CPVL: variants seen among roughly 807,000 people sequenced by gnomAD.
The protein encoded by CPVL is carboxypeptidase vitellogenic like.
Under a neutral mutation model 63.7 loss-of-function variants are expected in CPVL, and 51 were observed. That is an observed-to-expected ratio of 0.80 (90% CI 0.64 to 1.01). The LOEUF is 1.01. Ranked by LOEUF, CPVL falls within the 50% of genes least tolerant of loss-of-function variation. The pLI, the probability that CPVL is intolerant of heterozygous loss-of-function variation, is 0.00. For missense variants in CPVL, 530 were observed against 573.1 expected, an observed-to-expected ratio of 0.92 and a Z score of 0.77; for synonymous variants, 195 against 206.0, an observed-to-expected ratio of 0.95 and a Z score of 0.46.
intron 12 of CPVL, chr7:29,001,269 G>A (rs545132634): frequency 1.3e-5 from 2 of 152,310 alleles, no homozygotes; most frequent in East Asian, 3.9e-4. Context: ...AGAGCCACAT[G>A]GGAGCTGCAA....
At chr7:29,073,406 C>A (rs1783941926) in intron 7 of CPVL, among the ~76,000 whole-genome samples, 1 of 152,174 alleles carries the variant, frequency 6.6e-6, no homozygotes, top group African/African-American at 2.4e-5. Context: ...TCCTCATTGG[C>A]CTCCTTCTTT....
intron 5 of CPVL, among the ~76,000 whole-genome samples, chr7:29,168,813 C>T (rs1445623032): frequency 1.3e-5 from 2 of 152,176 alleles, no homozygotes; most frequent in Non-Finnish European, 2.9e-5. Flanking sequence ...GTTGTTTAGA[C>T]ATGTACTACT....
chr7:29,005,208 AAG>A (rs1197784791), intron 12 of CPVL, among the ~76,000 whole-genome samples: 1 of 152,062 alleles, frequency 6.6e-6, no homozygotes, highest in African/African-American at 2.4e-5. Context: ...AATATGTCTT[AAG>A]TTTGTACCAT....
intron 6 of CPVL, among the ~76,000 whole-genome samples, chr7:29,086,956 T>C (rs1785261589): frequency 6.6e-6 from 1 of 152,056 alleles, no homozygotes; most frequent in African/African-American, 2.4e-5. Flanking sequence ...ACCCCCACTG[T>C]GGGGGACTCT....
At chr7:29,070,501 G>A (rs1783631929) in intron 9 of CPVL, among the ~76,000 whole-genome samples, 1 of 152,152 alleles carries the variant, frequency 6.6e-6, no homozygotes, top group South Asian at 2.1e-4. Flanking sequence ...TCCCCTCTGT[G>A]ACTACCACAG....
At chr7:29,152,419 A>G (rs1389903485) in intron 5 of CPVL, among the ~76,000 whole-genome samples, 1 of 152,194 alleles carries the variant, frequency 6.6e-6, no homozygotes, top group South Asian at 2.1e-4. Flanking sequence ...CTCTATTCTC[A>G]GTTCCTGGCT....
chr7:29,146,124 C>T (rs1396984945), intron 1 of CPVL: 1 of 156,134 alleles, frequency 6.4e-6, no homozygotes, highest in East Asian at 1.9e-4. Flanking sequence ...TTCGTACTTC[C>T]CCGGAGGAGC....
chr7:29,079,942 G>A (rs113802283), intron 7 of CPVL, among the ~76,000 whole-genome samples: 2 of 152,116 alleles, frequency 1.3e-5, no homozygotes, highest in African/African-American at 4.8e-5. Flanking sequence ...TCAGAATGGG[G>A]GACAGAAACA....
intron 1 of CPVL, among the ~76,000 whole-genome samples, chr7:29,131,479 T>C (rs990324575): frequency 1.3e-5 from 2 of 152,312 alleles, no homozygotes. Flanking sequence ...TCTCAGCTCT[T>C]TTCCATATGT....
At chr7:29,146,595 C>A (rs1189838268), upstream of CPVL, 4 of 1,550,274 alleles carry the variant, frequency 2.6e-6, no homozygotes, top group South Asian at 2.4e-5. Flanking sequence ...TGACCCAGAC[C>A]CACAGGGCAA....
At chr7:29,084,505 C>T (rs976121176) in intron 7 of CPVL, among the ~76,000 whole-genome samples, 1 of 152,200 alleles carries the variant, frequency 6.6e-6, no homozygotes, top group Admixed American at 6.5e-5. Context: ...GTACCTAGCA[C>T]ATATTTTAGT....
chr7:29,000,325 G>A (rs930524058), intron 12 of CPVL, among the ~76,000 whole-genome samples: 16 of 132,346 alleles, frequency 1.2e-4, no homozygotes, highest in Admixed American at 8.5e-4. Flanking sequence ...GCTTCTTGGG[G>A]GTCTTGAAGG....
intron 2 of CPVL, among the ~76,000 whole-genome samples, chr7:29,113,197 A>G (rs1417061993): frequency 6.6e-6 from 1 of 152,098 alleles, no homozygotes; most frequent in Non-Finnish European, 1.5e-5. Flanking sequence ...AAGTAACCTG[A>G]CCTGAAACAG....
At chr7:29,124,706 G>GA (rs1417549637) in intron 1 of CPVL, among the ~76,000 whole-genome samples, 1 of 151,864 alleles carries the variant, frequency 6.6e-6, no homozygotes, top group Non-Finnish European at 1.5e-5. Context: ...AGAATGTTTT[G>GA]AAAAATATGA....
At chr7:29,119,244 T>C (rs1789089542) in intron 2 of CPVL, among the ~76,000 whole-genome samples, 3 of 152,216 alleles carry the variant, frequency 2.0e-5, no homozygotes, top group Admixed American at 6.5e-5. Flanking sequence ...CCCAGCACTT[T>C]GGGAGGCCAA....
intron 1 of CPVL, among the ~76,000 whole-genome samples, chr7:29,131,138 T>G (rs2128657794): frequency 6.6e-6 from 1 of 151,982 alleles, no homozygotes; most frequent in East Asian, 1.9e-4. Context: ...ATCACTGCAC[T>G]CCAGCCTGGG....
At chr7:29,006,863 T>G (rs1785245291) in intron 12 of CPVL, among the ~76,000 whole-genome samples, 1 of 152,094 alleles carries the variant, frequency 6.6e-6, no homozygotes, top group Admixed American at 6.6e-5. Context: ...CTTAACACAA[T>G]TTTTTCCATC....
intron 1 of CPVL, among the ~76,000 whole-genome samples, chr7:29,188,990 G>A (rs887447760): frequency 5.1e-5 from 7 of 137,022 alleles, no homozygotes; most frequent in African/African-American, 1.1e-4. Context: ...TTGCTCTGTC[G>A]CCCAAGCTGG....
intron 1 of CPVL, among the ~76,000 whole-genome samples, chr7:29,131,773 A>C (rs557019067): frequency 6.6e-6 from 1 of 152,264 alleles, no homozygotes; most frequent in African/African-American, 2.4e-5. Flanking sequence ...TTGGCCTCCC[A>C]AAGTGCTGGA....
Sources: gnomAD v4.1 joint callset for allele counts (sites outside exome capture counted in the v4.1 genomes callset) on GRCh38, gnomAD v4.1.1 for gene constraint, MANE v1.5 for transcripts, NCBI Gene and HGNC (gene_info 2026-07-23, HGNC 2026-07-21) for gene names.